CACNA1C: variants seen among roughly 807,000 people sequenced by gnomAD.
CACNA1C encodes the protein voltage-dependent L-type calcium channel subunit alpha-1C.
CACNA1C carries 30 observed loss-of-function variants against 229.0 expected under a neutral mutation model. The ratio of observed to expected loss-of-function variants is 0.13; its 90% CI spans 0.10 to 0.18. The LOEUF (loss-of-function observed/expected upper bound fraction) is 0.18, where lower values mean the gene tolerates loss of function less well. CACNA1C is among the 10% of genes least tolerant of loss of function. CACNA1C has a pLI of 1.00. For missense variants in CACNA1C, 1,658 were observed against 2,845.0 expected (o/e 0.58, Z 9.49); for synonymous variants, 1,114 against 1,132.5 (o/e 0.98, Z 0.33).
chr12:2,267,038 C>T (rs556638369), intron 3 of CACNA1C, among the ~76,000 whole-genome samples: 6 of 152,226 alleles, frequency 3.9e-5, no homozygotes, highest in South Asian at 4.2e-4. Context: ...AAAATGTAGC[C>T]GGATTTGTAA....
intron 3 of CACNA1C, among the ~76,000 whole-genome samples, chr12:2,189,706 C>T (rs1204446209): frequency 6.6e-6 from 1 of 152,086 alleles, no homozygotes; most frequent in Non-Finnish European, 1.5e-5. Flanking sequence ...GATTTACCTG[C>T]CATAAGAGAA....
chr12:2,539,200 T>TGAC (rs558172849), intron 9 of CACNA1C, among the ~76,000 whole-genome samples: 2 of 150,842 alleles, frequency 1.3e-5, no homozygotes, highest in African/African-American at 4.9e-5. Flanking sequence ...TTAAACTAGG[T>TGAC]GACTTGAGGA....
intron 3 of CACNA1C, among the ~76,000 whole-genome samples, chr12:2,347,635 G>T (rs764547914): frequency 6.6e-6 from 1 of 152,224 alleles, no homozygotes; most frequent in African/African-American, 2.4e-5. Flanking sequence ...CCCAGGACCC[G>T]TGGGGGCCAG....
chr12:2,245,327 C>T (rs1294183696), intron 3 of CACNA1C, among the ~76,000 whole-genome samples: 2 of 152,192 alleles, frequency 1.3e-5, no homozygotes, highest in African/African-American at 4.8e-5. Flanking sequence ...CCCTTCAGCA[C>T]ATGCATGCTT....
chr12:2,436,381 C>G (rs540518561), intron 3 of CACNA1C, among the ~76,000 whole-genome samples: 14 of 152,302 alleles, frequency 9.2e-5, no homozygotes, highest in Middle Eastern at 3.4e-3. Context: ...TCTTCTCCGC[C>G]TCCTCACCCC....
At chr12:2,458,052 C>T (rs1690660320) in intron 5 of CACNA1C, among the ~76,000 whole-genome samples, 1 of 152,172 alleles carries the variant, frequency 6.6e-6, no homozygotes, top group South Asian at 2.1e-4. Context: ...GGCTAATCTC[C>T]GAGGCTCCAG....
At chr12:2,327,575 A>G (rs1490641611) in intron 3 of CACNA1C, among the ~76,000 whole-genome samples, 1 of 152,184 alleles carries the variant, frequency 6.6e-6, no homozygotes, top group Non-Finnish European at 1.5e-5. Flanking sequence ...CATTTCTAAC[A>G]TTCTGACCTA....
intron 5 of CACNA1C, among the ~76,000 whole-genome samples, chr12:2,459,628 C>A (rs1316857340): frequency 6.6e-6 from 1 of 152,164 alleles, no homozygotes; most frequent in Non-Finnish European, 1.5e-5. Flanking sequence ...CCAGGACCCA[C>A]TTCTTTTTGA....
At position 2,693,886 on chromosome 12, in the gene CACNA1C, C is replaced by T. The variant is rs1164244989; in HGVS notation, c.*2687C>T. 1.3e-5 allele frequency: 2 copies of T among 152,184 alleles called. No individual in the cohort carries two copies. Among genetic ancestry groups the T allele is most frequent in the Non-Finnish European group, 2.9e-5 (2 of 68,052 alleles). 9.4% of individuals were successfully genotyped at this position (152,184 alleles called of 1,614,324 possible). A position where few individuals can be genotyped will look rare whatever the true frequency, so the allele number is the denominator to read the frequency against. ...ACATATATAAGTAAGCTAGAAATTA[C>T]AATAAGGGACAGTCCATTCCTCTAT... On this transcript the variant is annotated 3_prime_UTR_variant, in exon 47 of 47. Coordinates refer to ENST00000399655, the MANE Select transcript of CACNA1C (RefSeq NM_000719.7).
chr12:2,062,867 G>C (rs970556583), intron 1 of CACNA1C, among the ~76,000 whole-genome samples: 12 of 152,114 alleles, frequency 7.9e-5, no homozygotes, highest in African/African-American at 2.9e-4. Context: ...GTGAGTCCCG[G>C]GGACCATCCC....
intron 3 of CACNA1C, among the ~76,000 whole-genome samples, chr12:2,127,619 G>A (rs943494087): frequency 1.3e-5 from 2 of 152,164 alleles, no homozygotes; most frequent in Non-Finnish European, 2.9e-5. Context: ...AGGGTGGAGA[G>A]CCTGTTTTTG....
chr12:2,252,592 T>C (rs1245780484), intron 3 of CACNA1C, among the ~76,000 whole-genome samples: 41 of 152,220 alleles, frequency 2.7e-4, no homozygotes, highest in Non-Finnish European at 1.2e-4. Context: ...ACAAGAGTTA[T>C]GCACTTTAAA....
Position 2,374,120 on chromosome 12 carries a change from A to G in CACNA1C, c.478-74856A>G, listed in dbSNP as rs936333711. ...CCCTCTTCCGCCCCACAACTAGTAG[A>G]CAGTAGACTAGTAGTCTTCCCACGT... On this transcript the variant is annotated intron_variant, in intron 3 of 46. Transcript: ENST00000399655. 2.6e-5 allele frequency among the ~76,000 whole-genome samples: 4 copies of G among 152,178 alleles called. No individual in the cohort carries two copies. In the East Asian group the frequency reaches 7.7e-4, roughly 29 times the overall value.
chr12:2,373,370 A>T lies in CACNA1C; in HGVS notation c.478-75606A>T, dbSNP rs535394263. 2.6e-5 allele frequency among the ~76,000 whole-genome samples: 4 copies of T among 152,284 alleles called. No homozygotes were observed. In the South Asian group the frequency reaches 6.2e-4, roughly 24 times the overall value. ...ATTCTCATGGGGGAGACAGATAATAAGTAAAGAAAATGTCAGGAACATGAA... is the reference window on the plus strand; with the variant it reads ...ATTCTCATGGGGGAGACAGATAATATGTAAAGAAAATGTCAGGAACATGAA... On this transcript the variant is annotated intron_variant, in intron 3 of 46. Coordinates refer to ENST00000399655, the MANE Select transcript of CACNA1C (RefSeq NM_000719.7).
At chr12:2,069,682 C>G (rs1194797884) in intron 1 of CACNA1C, among the ~76,000 whole-genome samples, 5 of 152,196 alleles carry the variant, frequency 3.3e-5, no homozygotes, top group Non-Finnish European at 5.9e-5. Context: ...CTTGTAACCT[C>G]ACTTATAATG....
At chr12:2,084,992 T>G (rs1284110477) in intron 1 of CACNA1C, among the ~76,000 whole-genome samples, 1 of 152,232 alleles carries the variant, frequency 6.6e-6, no homozygotes, top group Non-Finnish European at 1.5e-5. Flanking sequence ...CTCCCAGATT[T>G]GTGTCAGCAG....
chr12:2,139,622 G>A (rs980763550), intron 3 of CACNA1C, among the ~76,000 whole-genome samples: 5 of 151,160 alleles, frequency 3.3e-5, no homozygotes, highest in African/African-American at 9.7e-5. Context: ...CTCCAGACAG[G>A]GTGGGCTTCT....
chr12:2,321,907 A>G (rs2096018876), intron 3 of CACNA1C, among the ~76,000 whole-genome samples: 3 of 152,166 alleles, frequency 2.0e-5, no homozygotes, highest in African/African-American at 7.2e-5. Context: ...ATTAAATCCC[A>G]AGGTGACCTG....
chr12:2,207,910 C>A (rs2097798169), intron 3 of CACNA1C, among the ~76,000 whole-genome samples: 1 of 152,160 alleles, frequency 6.6e-6, no homozygotes, highest in African/African-American at 2.4e-5. Flanking sequence ...TTGATGTGTG[C>A]CTTTTTTACA....
Sources: gnomAD v4.1 joint callset for allele counts (sites outside exome capture counted in the v4.1 genomes callset) on GRCh38, gnomAD v4.1.1 for gene constraint, MANE v1.5 for transcripts, NCBI Gene and HGNC (gene_info 2026-07-23, HGNC 2026-07-21) for gene names.